The following PDE6A variants were observed in gnomAD, a reference collection of about 807,000 sequenced individuals.
PDE6A encodes the protein phosphodiesterase 6A, also known as rod cGMP-specific 3',5'-cyclic phosphodiesterase subunit alpha.
In PDE6A, 84 loss-of-function variants were observed where a neutral mutation model predicts 106.3. That is an observed-to-expected ratio of 0.79 (90% CI 0.66 to 0.95). The LOEUF is 0.95. Among genes scored for constraint, PDE6A ranks in the 40% least tolerant of loss-of-function variants. PDE6A has a pLI of 0.00. For synonymous variants in PDE6A, 394 were observed against 386.6 expected, an observed-to-expected ratio of 1.02 and a Z score of -0.23; for missense variants, 1,052 against 1,084.9, an observed-to-expected ratio of 0.97 and a Z score of 0.43.
intron 6 of PDE6A, 83 bp from the exon 7 acceptor site, chr5:149,907,461 C>T (rs1753235009): frequency 8.9e-7 from 1 of 1,119,038 alleles, no homozygotes. Context: ...TTGCGCTCCC[C>T]CTGCTCTCAG....
intron 8 of PDE6A, among the ~76,000 whole-genome samples, chr5:149,902,752 G>A (rs1441656516): frequency 6.6e-6 from 1 of 151,832 alleles, no homozygotes; most frequent in Non-Finnish European, 1.5e-5. Context: ...AACCTGGGAG[G>A]CGGAGCTTGC....
chr5:149,920,063 C>T (rs1430329211), intron 5 of PDE6A, among the ~76,000 whole-genome samples: 1 of 152,062 alleles, frequency 6.6e-6, no homozygotes, highest in Non-Finnish European at 1.5e-5. Context: ...TGCGGTGGCT[C>T]ATGCTTGTAA....
intron 13 of PDE6A, among the ~76,000 whole-genome samples, chr5:149,889,597 CA>C (rs1752464673): frequency 6.6e-6 from 1 of 152,076 alleles, no homozygotes; most frequent in Non-Finnish European, 1.5e-5. Context: ...CGCATGCCAC[CA>C]CACTAGGCTA....
At chr5:149,888,976 G>A (rs1282768278) in intron 13 of PDE6A, among the ~76,000 whole-genome samples, 3 of 150,956 alleles carry the variant, frequency 2.0e-5, no homozygotes, top group African/African-American at 4.9e-5. Flanking sequence ...CCAGCTACTC[G>A]GGAGGCTGAG....
chr5:149,944,156 T>G (rs186671752), intron 1 of PDE6A, 44 bp downstream of exon 1: 1 of 1,504,338 alleles, frequency 6.6e-7, no homozygotes, highest in Non-Finnish European at 9.2e-7. Context: ...CAGAACTCCA[T>G]GTAATAATGC....
intron 5 of PDE6A, among the ~76,000 whole-genome samples, chr5:149,915,349 G>A (rs994825257): frequency 6.6e-6 from 1 of 152,162 alleles, no homozygotes; most frequent in African/African-American, 2.4e-5. Context: ...AGTTCAACAG[G>A]AGTATGTCCC....
At chr5:149,936,563 C>T (rs1417481989) in intron 1 of PDE6A, among the ~76,000 whole-genome samples, 1 of 152,146 alleles carries the variant, frequency 6.6e-6, no homozygotes, top group Non-Finnish European at 1.5e-5. Context: ...CAGATGCTAC[C>T]AAATCCACCA....
chr5:149,860,886 C>G lies in PDE6A; in HGVS notation c.*9G>C, dbSNP rs374146232. On this transcript the variant is annotated 3_prime_UTR_variant, in exon 22 of 22. Transcript: ENST00000255266. ...GTGGTGCCGTCCAGCCAGCACATCC[C>G]CAGTGGTGTTACTGGATGCAGCAGG... The G allele has an allele frequency of 9.3e-6, 15 of 1,612,514 alleles. No individual in the cohort carries two copies. The African/African-American group carries it at 1.6e-4, about 17-fold the overall frequency.
At chr5:149,893,163 A>G (rs1752607500) in intron 13 of PDE6A, among the ~76,000 whole-genome samples, 1 of 152,182 alleles carries the variant, frequency 6.6e-6, no homozygotes, top group East Asian at 1.9e-4. Context: ...TCTAGAACCC[A>G]AAGATTAGGT....
chr5:149,875,184 C>A (rs1760693010), intron 17 of PDE6A, among the ~76,000 whole-genome samples: 1 of 152,046 alleles, frequency 6.6e-6, no homozygotes, highest in African/African-American at 2.4e-5. Context: ...GGATATTTGG[C>A]AATGTCTGGA....
In PDE6A at chr5:149,944,395, G is replaced by A. The variant is rs1158661149; in HGVS notation, c.279C>T (p.Arg93=). The A allele has an allele frequency of 6.8e-6, 11 of 1,614,054 alleles. No individual in the cohort carries two copies. The East Asian group carries it at 2.0e-4, about 29-fold the overall frequency. The change falls in exon 1 of 22, where the codon CGC becomes CGT. Residue 93 remains arginine (R), a synonymous_variant. Transcript: ENST00000255266. ...KKLCFLLQAD[R]MSLFMYRTRN... ...GGGTCCGGTACATGAACAGGCTCAT[G>A]CGGTCTGCCTGCAGGAGGAAGCACA...
chr5:149,923,700 T>C (rs192202550), intron 4 of PDE6A, among the ~76,000 whole-genome samples: 3 of 152,332 alleles, frequency 2.0e-5, no homozygotes, highest in Admixed American at 2.0e-4. Context: ...ACACAGGTTC[T>C]TCCCCACTAC....
intron 16 of PDE6A, among the ~76,000 whole-genome samples, chr5:149,884,195 A>ATATATATAT (rs35852293): frequency 7.2e-6 from 1 of 138,738 alleles, no homozygotes; most frequent in Non-Finnish European, 1.6e-5. Flanking sequence ...AAAGAAAAAA[A>ATATATATAT]AAAAATATAT....
chr5:149,928,345 C>G (rs1001359217), intron 4 of PDE6A, among the ~76,000 whole-genome samples: 3 of 148,732 alleles, frequency 2.0e-5, no homozygotes, highest in African/African-American at 7.5e-5. Context: ...TCAGGCAATT[C>G]TCCTGCCTCA....
intron 17 of PDE6A, among the ~76,000 whole-genome samples, chr5:149,870,788 A>C (rs965439040): frequency 1.4e-4 from 21 of 151,604 alleles, no homozygotes; most frequent in East Asian, 5.8e-4. Context: ...AAAAAAAAAA[A>C]AAAACTGTCA....
At chr5:149,876,393 C>G (rs1310351998) in intron 17 of PDE6A, among the ~76,000 whole-genome samples, 1 of 147,642 alleles carries the variant, frequency 6.8e-6, no homozygotes, top group East Asian at 2.0e-4. Flanking sequence ...CTCTGTTGCC[C>G]AGGCTGGAGG....
intron 4 of PDE6A, among the ~76,000 whole-genome samples, chr5:149,924,152 A>G (rs1753810911): frequency 6.6e-6 from 1 of 152,216 alleles, no homozygotes; most frequent in Admixed American, 6.5e-5. Flanking sequence ...CGAATAAGGC[A>G]CAGTTTGTAT....
At chr5:149,894,942 G>C (rs1363878795) in intron 13 of PDE6A, among the ~76,000 whole-genome samples, 1 of 152,038 alleles carries the variant, frequency 6.6e-6, no homozygotes, top group Non-Finnish European at 1.5e-5. Context: ...CTTGTGACAT[G>C]GTTACCCCCA....
chr5:149,882,366 A>G (rs932083204), intron 17 of PDE6A, among the ~76,000 whole-genome samples: 3 of 152,030 alleles, frequency 2.0e-5, no homozygotes, highest in African/African-American at 7.3e-5. Context: ...CTGGGGATAA[A>G]CAAATAACCC....
Sources: allele counts gnomAD v4.1 joint callset (sites outside exome capture counted in the v4.1 genomes callset), GRCh38; gene constraint gnomAD v4.1.1; transcripts MANE v1.5; gene names NCBI Gene and HGNC (gene_info 2026-07-23, HGNC 2026-07-21).